The following CNTNAP2 variants were observed in gnomAD, a reference collection of about 807,000 sequenced individuals.
CNTNAP2 encodes the protein contactin-associated protein-like 2.
A neutral mutation model predicts 155.2 loss-of-function variants in CNTNAP2; 98 were observed. The observed-to-expected ratio is 0.63, with a 90% CI of 0.54 to 0.75. CNTNAP2 has a LOEUF of 0.75. CNTNAP2 is among the 30% of genes least tolerant of loss of function. CNTNAP2 has a pLI of 0.00. For synonymous variants in CNTNAP2, 651 were observed against 631.2 expected (o/e 1.03, Z -0.47); for missense variants, 1,727 against 1,688.1 (o/e 1.02, Z -0.40).
chr7:147,525,392 A>G (rs1799300418), intron 11 of CNTNAP2, among the ~76,000 whole-genome samples: 1 of 152,222 alleles, frequency 6.6e-6, no homozygotes, highest in African/African-American at 2.4e-5. Flanking sequence ...AAGACAAGGA[A>G]AGACAGAAAT....
intron 1 of CNTNAP2, among the ~76,000 whole-genome samples, chr7:146,206,744 C>T (rs1798952834): frequency 3.3e-5 from 5 of 151,882 alleles, no homozygotes; most frequent in Admixed American, 3.3e-4. Context: ...AGTCCATGTT[C>T]AGGTGTTTCT....
At chr7:146,885,463 C>T (rs531504904) in intron 3 of CNTNAP2, among the ~76,000 whole-genome samples, 120 of 152,224 alleles carry the variant, frequency 7.9e-4, no homozygotes, top group Middle Eastern at 3.4e-3. Flanking sequence ...TTTGGCAAAA[C>T]AAGCTCTTAT....
At chr7:147,968,073 A>G (rs573692366) in intron 14 of CNTNAP2, among the ~76,000 whole-genome samples, 1 of 152,294 alleles carries the variant, frequency 6.6e-6, no homozygotes, top group South Asian at 2.1e-4. Context: ...TTATTCAATC[A>G]TGAAACACGT....
intron 14 of CNTNAP2, among the ~76,000 whole-genome samples, chr7:147,931,319 G>T (rs1800499770): frequency 1.3e-5 from 2 of 150,666 alleles, no homozygotes; most frequent in Admixed American, 1.3e-4. Context: ...AAATGGAAAA[G>T]GAGACATTAC....
At chr7:147,481,311 A>G (rs771993805) in intron 10 of CNTNAP2, among the ~76,000 whole-genome samples, 1 of 152,228 alleles carries the variant, frequency 6.6e-6, no homozygotes, top group African/African-American at 2.4e-5. Flanking sequence ...ATGTCCATAA[A>G]CTACCAAGTA....
At chr7:147,109,579 A>G (rs1432308849) in intron 5 of CNTNAP2, among the ~76,000 whole-genome samples, 1 of 152,190 alleles carries the variant, frequency 6.6e-6, no homozygotes, top group Non-Finnish European at 1.5e-5. Flanking sequence ...AAAGTGTAGT[A>G]TCACAGAAAT....
At chr7:148,383,609 G>T in intron 21 of CNTNAP2, 40 bp from the exon 22 acceptor site, 1 of 1,614,078 alleles carries the variant, frequency 6.2e-7, no homozygotes, top group Non-Finnish European at 8.5e-7. Flanking sequence ...GCTGGACTAT[G>T]GTGAGTCAAG....
At position 147,243,083 on chromosome 7, in the gene CNTNAP2, C is replaced by T. The variant is rs563608050; in HGVS notation, c.1349-57058C>T. Among the ~76,000 whole-genome samples, 348 of 138,458 alleles carry T rather than the reference C, an allele frequency of 2.5e-3. 1 individual carries two copies. The highest frequency in any genetic ancestry group is 8.8e-3 in the African/African-American group (321 of 36,472). 90.8% of individuals were successfully genotyped at this position (138,458 alleles called of 152,430 possible). ...TGCGATCCTAGCTCACTGCAACCTC[C>T]GTCTCCTGGTTTCAAGTGATTCCCG... On this transcript the variant is annotated intron_variant, in intron 8 of 23. Transcript: ENST00000361727.
chr7:146,504,391 A>G (rs1038053239), intron 1 of CNTNAP2, among the ~76,000 whole-genome samples: 10 of 152,192 alleles, frequency 6.6e-5, no homozygotes, highest in African/African-American at 2.2e-4. Context: ...ACTCCTTGCA[A>G]AGCTGCTATG....
intron 15 of CNTNAP2, among the ~76,000 whole-genome samples, chr7:148,051,896 T>A (rs557054773): frequency 1.5e-4 from 23 of 152,118 alleles, no homozygotes; most frequent in Middle Eastern, 3.4e-3. Context: ...TCCCAGCAGT[T>A]TGGGAGGCCG....
chr7:147,050,954 A>G (rs560729442), intron 4 of CNTNAP2, among the ~76,000 whole-genome samples: 3 of 152,008 alleles, frequency 2.0e-5, no homozygotes, highest in Admixed American at 1.3e-4. Flanking sequence ...CTTTGGGTTC[A>G]CATTCACATG....
intron 15 of CNTNAP2, among the ~76,000 whole-genome samples, chr7:148,086,871 G>GT (rs988223816): frequency 2.7e-4 from 41 of 151,092 alleles, no homozygotes; most frequent in African/African-American, 5.8e-4. Context: ...ATATCAAATT[G>GT]TTTTTTTTTA....
intron 15 of CNTNAP2, among the ~76,000 whole-genome samples, chr7:148,092,827 T>C (rs1803872164): frequency 6.6e-6 from 1 of 151,070 alleles, no homozygotes; most frequent in East Asian, 1.9e-4. Context: ...TGAAAATGAT[T>C]TATTAGACAT....
intron 1 of CNTNAP2, among the ~76,000 whole-genome samples, chr7:146,612,397 A>AT (rs925312561): frequency 2.0e-4 from 30 of 152,256 alleles, no homozygotes; most frequent in Admixed American, 1.3e-3. Context: ...TCAAGACATA[A>AT]TTTTTTTAAA....
intron 8 of CNTNAP2, among the ~76,000 whole-genome samples, chr7:147,195,814 A>G (rs1055682355): frequency 2.6e-4 from 40 of 151,952 alleles, no homozygotes; most frequent in African/African-American, 9.2e-4. Context: ...AGTTTTTGGT[A>G]TGAGATGATG....
chr7:147,363,537 TA>T (rs1243607460), intron 9 of CNTNAP2, among the ~76,000 whole-genome samples: 2 of 152,204 alleles, frequency 1.3e-5, no homozygotes, highest in African/African-American at 2.4e-5. Context: ...CATTCTTTTT[TA>T]AAAATGTTCT....
At chr7:147,614,111 G>A (rs147521077) in intron 12 of CNTNAP2, among the ~76,000 whole-genome samples, 147 of 152,176 alleles carry the variant, frequency 9.7e-4, no homozygotes, top group Middle Eastern at 3.4e-3. Flanking sequence ...AATTGGCTGT[G>A]CCTGTACCAA....
intron 2 of CNTNAP2, among the ~76,000 whole-genome samples, chr7:146,784,934 T>C (rs1255297278): frequency 2.0e-5 from 3 of 152,070 alleles, no homozygotes; most frequent in Non-Finnish European, 2.9e-5. Flanking sequence ...GCAAAATGTG[T>C]TTACGAGAAT....
At chr7:146,463,336 C>A (rs1336589396) in intron 1 of CNTNAP2, among the ~76,000 whole-genome samples, 7 of 152,066 alleles carry the variant, frequency 4.6e-5, no homozygotes, top group Admixed American at 4.6e-4. Flanking sequence ...ATTCTTCTGT[C>A]TCTTCCTCCT....
Sources: allele counts gnomAD v4.1 joint callset (sites outside exome capture counted in the v4.1 genomes callset), GRCh38; gene constraint gnomAD v4.1.1; transcripts MANE v1.5; gene names NCBI Gene and HGNC (gene_info 2026-07-23, HGNC 2026-07-21).